BCAR3: variants seen among roughly 807,000 people sequenced by gnomAD.
The protein encoded by BCAR3 is BCAR3 adaptor protein, NSP family member.
BCAR3 carries 37 observed loss-of-function variants against 80.1 expected under a neutral mutation model. The ratio of observed to expected loss-of-function variants is 0.46; its 90% confidence interval spans 0.36 to 0.61. BCAR3 has a LOEUF of 0.61. BCAR3 is among the 20% of genes least tolerant of loss of function. The pLI is 0.00. For synonymous variants in BCAR3, 389 were observed against 418.9 expected, an observed-to-expected ratio of 0.93 and a Z score of 0.87; for missense variants, 978 against 1,068.2, an observed-to-expected ratio of 0.92 and a Z score of 1.18.
intron 2 of BCAR3, among the ~76,000 whole-genome samples, chr1:93,817,719 C>T (rs549312990): frequency 1.8e-4 from 27 of 152,322 alleles, no homozygotes. Context: ...CTCAAGGTGA[C>T]ATCCATGCAC....
intron 2 of BCAR3, among the ~76,000 whole-genome samples, chr1:93,842,452 G>A (rs1654995099): frequency 6.6e-6 from 1 of 152,092 alleles, no homozygotes; most frequent in African/African-American, 2.4e-5. Context: ...TACCACGCCT[G>A]GACTATCATC....
At chr1:93,590,922 T>C (rs1301136652) in intron 4 of BCAR3, among the ~76,000 whole-genome samples, 1 of 151,802 alleles carries the variant, frequency 6.6e-6, no homozygotes, top group Non-Finnish European at 1.5e-5. Context: ...AGTAAGTGAG[T>C]AGAATGGGCT....
At chr1:93,632,348 A>G (rs1020925644) in intron 3 of BCAR3, among the ~76,000 whole-genome samples, 5 of 152,188 alleles carry the variant, frequency 3.3e-5, no homozygotes, top group African/African-American at 1.2e-4. Flanking sequence ...TAACTTAACA[A>G]TGGTTCCACT....
intron 2 of BCAR3, among the ~76,000 whole-genome samples, chr1:93,759,375 A>G (rs1431324461): frequency 6.6e-6 from 1 of 152,074 alleles, no homozygotes; most frequent in Non-Finnish European, 1.5e-5. Flanking sequence ...GCAGCACCAC[A>G]CTGAGCTGGG....
intron 2 of BCAR3, among the ~76,000 whole-genome samples, chr1:93,648,445 A>G (rs560037817): frequency 1.3e-5 from 2 of 152,364 alleles, no homozygotes; most frequent in Non-Finnish European, 2.9e-5. Context: ...TGACTGAAAT[A>G]GAGACCCAAA....
chr1:93,567,065 T>A (rs973787304), intron 11 of BCAR3, among the ~76,000 whole-genome samples: 1 of 152,134 alleles, frequency 6.6e-6, no homozygotes, highest in Non-Finnish European at 1.5e-5. Context: ...GTTTATTCTA[T>A]ACCATTGAAC....
At chr1:93,596,147 A>G (rs1314630349) in intron 3 of BCAR3, among the ~76,000 whole-genome samples, 2 of 152,198 alleles carry the variant, frequency 1.3e-5, no homozygotes, top group Non-Finnish European at 2.9e-5. Flanking sequence ...ATGCCCTAAG[A>G]ATCCTCCTGC....
chr1:93,567,150 GAA>G, intron 11 of BCAR3, 127 bp downstream of exon 11: 3 of 1,150,386 alleles, frequency 2.6e-6, no homozygotes, highest in Non-Finnish European at 3.7e-6. Context: ...AGCCATATAG[GAA>G]ATGGAATTCC....
At chr1:93,709,864 T>C (rs1240775622) in intron 2 of BCAR3, among the ~76,000 whole-genome samples, 1 of 152,174 alleles carries the variant, frequency 6.6e-6, no homozygotes. Flanking sequence ...CCTTGATGGA[T>C]CATCATGTAA....
At chr1:93,709,832 A>G (rs1649958074) in intron 2 of BCAR3, among the ~76,000 whole-genome samples, 1 of 152,230 alleles carries the variant, frequency 6.6e-6, no homozygotes, top group African/African-American at 2.4e-5. Context: ...CTGCTATAAC[A>G]TAATCATGGT....
chr1:93,731,125 T>A (rs1376397076), intron 2 of BCAR3, among the ~76,000 whole-genome samples: 1 of 152,186 alleles, frequency 6.6e-6, no homozygotes, highest in African/African-American at 2.4e-5. Context: ...ACTGCCAGTG[T>A]CATCAGAACA....
chr1:93,813,663 C>A (rs1653923553), intron 2 of BCAR3, among the ~76,000 whole-genome samples: 1 of 152,092 alleles, frequency 6.6e-6, no homozygotes, highest in Admixed American at 6.5e-5. Context: ...ACCCCTTTAC[C>A]CCTTAATATT....
chr1:93,764,196 G>A (rs76520605), intron 2 of BCAR3, among the ~76,000 whole-genome samples: 2,885 of 151,862 alleles, frequency 0.019, 36 homozygotes, highest in Non-Finnish European at 0.029. Context: ...AACACCCCAC[G>A]CTGCTGCCTG....
chr1:93,649,553 A>C (rs79960398), intron 2 of BCAR3, among the ~76,000 whole-genome samples: 2 of 152,050 alleles, frequency 1.3e-5, no homozygotes, highest in Non-Finnish European at 2.9e-5. Context: ...GAAAAAAAAA[A>C]TCATGTAGCT....
chr1:93,614,884 A>C (rs1281624291), intron 3 of BCAR3, among the ~76,000 whole-genome samples: 1 of 152,186 alleles, frequency 6.6e-6, no homozygotes, highest in Non-Finnish European at 1.5e-5. Context: ...CAGCCAAGCA[A>C]GGCCCTCCTG....
At chr1:93,562,533 G>A (rs1004818638) in intron 11 of BCAR3, 114 bp from the exon 12 acceptor site, 3 of 837,016 alleles carry the variant, frequency 3.6e-6, no homozygotes, top group Non-Finnish European at 5.4e-6. Flanking sequence ...ACTTTGGGAG[G>A]CCGAGGTGGG....
chr1:93,738,707 G>A (rs966629300), intron 2 of BCAR3, among the ~76,000 whole-genome samples: 5 of 152,330 alleles, frequency 3.3e-5, no homozygotes, highest in South Asian at 2.1e-4. Flanking sequence ...AGCACTGGTC[G>A]GGGAGCAGTT....
At chr1:93,707,067 C>T (rs551449405) in intron 2 of BCAR3, among the ~76,000 whole-genome samples, 1 of 151,726 alleles carries the variant, frequency 6.6e-6, no homozygotes, top group South Asian at 2.1e-4. Context: ...CCCAGCTTCT[C>T]GGGAGGCTGA....
At chr1:93,665,973 A>G (rs1647890124) in intron 2 of BCAR3, among the ~76,000 whole-genome samples, 1 of 152,104 alleles carries the variant, frequency 6.6e-6, no homozygotes. Flanking sequence ...TGCAAACTAT[A>G]TCTCGAATCC....
Sources: allele counts gnomAD v4.1 joint callset (sites outside exome capture counted in the v4.1 genomes callset), GRCh38; gene constraint gnomAD v4.1.1; transcripts MANE v1.5; gene names NCBI Gene and HGNC (gene_info 2026-07-23, HGNC 2026-07-21).